ARMC6: variants seen among roughly 807,000 people sequenced by gnomAD.
ARMC6 encodes the protein armadillo repeat-containing protein 6.
Under a neutral mutation model 49.2 loss-of-function variants are expected in ARMC6, and 43 were observed. The ratio of observed to expected loss-of-function variants is 0.87; its 90% CI spans 0.69 to 1.13. The LOEUF (loss-of-function observed/expected upper bound fraction) is 1.13. Ranked by LOEUF, ARMC6 falls within the 50% of genes most tolerant of loss-of-function variation. ARMC6 has a pLI of 0.00. For missense variants in ARMC6, 627 were observed against 682.0 expected (o/e 0.92, Z 0.90); for synonymous variants, 262 against 289.6 (o/e 0.90, Z 0.97).
intron 3 of ARMC6, 80 bp from the exon 4 acceptor site, chr19:19,043,912 T>G: frequency 7.4e-7 from 1 of 1,342,766 alleles, no homozygotes; most frequent in Non-Finnish European, 1.1e-6. Context: ...TCCTGAGGTG[T>G]GATTCCAGCA....
chr19:19,056,618 G>A (rs1284247903), intron 8 of ARMC6, among the ~76,000 whole-genome samples: 5 of 152,290 alleles, frequency 3.3e-5, no homozygotes, highest in South Asian at 4.1e-4. Flanking sequence ...TTGGGGAAGC[G>A]TGGATGGGGA....
At chr19:19,048,859 ATTAG>A (rs1329301013) in intron 4 of ARMC6, among the ~76,000 whole-genome samples, 2 of 152,122 alleles carry the variant, frequency 1.3e-5, no homozygotes, top group Non-Finnish European at 2.9e-5. Context: ...TCCATACTGT[ATTAG>A]TTAGGCTGGA....
intron 2 of ARMC6, chr19:19,040,565 C>T (rs2059404191): frequency 4.2e-6 from 1 of 236,018 alleles, no homozygotes; most frequent in Admixed American, 5.6e-5. Flanking sequence ...AAGAGCATGC[C>T]ACCACTCCCT....
chr19:19,055,698 CGCAGGGT>C lies in ARMC6; in HGVS notation c.1156-91_1156-85del. 1 of 1,483,912 alleles carries C rather than the reference CGCAGGGT, an allele frequency of 6.7e-7. No homozygotes were observed. The highest frequency in any genetic ancestry group is 2.3e-5 in the East Asian group (1 of 43,176). 91.9% of individuals were successfully genotyped at this position (1,483,912 alleles called of 1,614,324 possible). ...TGCCAGAGACCCACGGAGGGGAGGCCGCAGGGTGTTCACCAGGGGTTGGTGGCCATGG... is the reference window on the plus strand; with the variant it reads ...TGCCAGAGACCCACGGAGGGGAGGCCGTTCACCAGGGGTTGGTGGCCATGG... On this transcript the variant is annotated intron_variant, in intron 7 of 8. Coordinates refer to ENST00000535612, the MANE Select transcript of ARMC6 (RefSeq NM_001199196.2). This position sits in a 1 kb window ranked among gnomAD's most constrained non-coding sequence, Gnocchi z 5.7.
intron 2 of ARMC6, 119 bp from the exon 3 acceptor site, chr19:19,042,592 G>A (rs781398490): frequency 1.2e-5 from 11 of 955,132 alleles, no homozygotes; most frequent in Non-Finnish European, 1.8e-5. Context: ...ATTTCTCCAG[G>A]GTGGTTGTAG....
Position 19,033,881 on chromosome 19 carries a change from T to TG in ARMC6, c.-126dup. The TG allele has an allele frequency of 2.7e-6, 1 of 374,014 alleles. No homozygotes were observed. The highest frequency in any genetic ancestry group is 4.9e-6 in the Non-Finnish European group (1 of 204,866). 23.2% of individuals were successfully genotyped at this position (374,014 alleles called of 1,614,324 possible). On this transcript the variant is annotated 5_prime_UTR_variant, in exon 1 of 9. Transcript: ENST00000535612. ...CCGGAAGGGGCTAGAGGCGGCTCCC[T>TG]GGGTGACAACCGCGCGCCCCACCTT...
intron 5 of ARMC6, among the ~76,000 whole-genome samples, chr19:19,053,452 A>C (rs1289146646): frequency 2.6e-5 from 4 of 152,118 alleles, no homozygotes; most frequent in Non-Finnish European, 5.9e-5. Flanking sequence ...ACGCCACTGC[A>C]CTCCAGCCTT....
rs779897308 is a variant in ARMC6, at chr19:19,051,687, C to G, written c.345C>G (p.Thr115=). The change falls in exon 5 of 9, where the codon ACC becomes ACG. Residue 115 remains threonine, a synonymous_variant. Coordinates refer to ENST00000535612, the MANE Select transcript of ARMC6 (RefSeq NM_001199196.2). The part of the protein sequence containing the change: ...SRPQEVSAYL[T]RFCDQCKQDK... ...CCCAGGAGGTGTCAGCATACCTCAC[C>G]CGCTTCTGCGACCAGTGCAAACAGG... The G allele has an allele frequency of 6.2e-7, 1 of 1,613,798 alleles. No individual in the cohort carries two copies. Among genetic ancestry groups the G allele is most frequent in the Admixed American group, 1.7e-5 (1 of 59,996 alleles).
chr19:19,049,590 C>T (rs1260772027), intron 4 of ARMC6, among the ~76,000 whole-genome samples: 2 of 152,200 alleles, frequency 1.3e-5, no homozygotes, highest in Non-Finnish European at 2.9e-5. Flanking sequence ...TAAGTACATT[C>T]ATAATGTTGT....
chr19:19,037,859 C>T (rs888383321), intron 2 of ARMC6, among the ~76,000 whole-genome samples: 3 of 152,224 alleles, frequency 2.0e-5, no homozygotes, highest in Non-Finnish European at 4.4e-5. Context: ...AGATCATCTA[C>T]AGCAGGGGTC....
In ARMC6 at chr19:19,040,804, C is replaced by G. The variant is rs933521064; in HGVS notation, c.30-1907C>G. 13 of 429,186 alleles carry G rather than the reference C, an allele frequency of 3.0e-5. No individual in the cohort carries two copies. In the Admixed American group the frequency reaches 3.3e-4, roughly 11 times the overall value. The allele number at this position is 429,186 out of a possible 1,614,324, so 26.6% of individuals were successfully genotyped here. ...CTGGGATTACAGACGTGAGCCACCA[C>G]ACCTGGCCCAGATTTTGATTTTGAT... On this transcript the variant is annotated intron_variant, in intron 2 of 8. Coordinates refer to ENST00000535612, the MANE Select transcript of ARMC6 (RefSeq NM_001199196.2).
intron 5 of ARMC6, among the ~76,000 whole-genome samples, chr19:19,052,827 G>C (rs1280729364): frequency 6.6e-6 from 1 of 152,218 alleles, no homozygotes; most frequent in Non-Finnish European, 1.5e-5. Flanking sequence ...CTGTGTGGGG[G>C]TTCTGGCTCT....
chr19:19,045,637 A>C (rs1599639933), intron 4 of ARMC6, among the ~76,000 whole-genome samples: 1 of 145,412 alleles, frequency 6.9e-6, no homozygotes, highest in East Asian at 2.0e-4. Context: ...ACAGGTGCAC[A>C]CCACCATGCC....
chr19:19,050,369 C>A (rs568004005), intron 4 of ARMC6, among the ~76,000 whole-genome samples: 2 of 152,272 alleles, frequency 1.3e-5, no homozygotes, highest in East Asian at 3.9e-4. Context: ...ACTGATGGGT[C>A]ACACAGTAAT....
chr19:19,034,270 G>A, intron 2 of ARMC6, 32 bp downstream of exon 2: 1 of 1,589,250 alleles, frequency 6.3e-7, no homozygotes, highest in Non-Finnish European at 8.5e-7. Flanking sequence ...CAGAGTGATG[G>A]GACGGGAAAG....
At chr19:19,047,151 T>C (rs575568601) in intron 4 of ARMC6, among the ~76,000 whole-genome samples, 26 of 151,542 alleles carry the variant, frequency 1.7e-4, no homozygotes, top group Admixed American at 6.6e-4. Context: ...TAAGGAAGAG[T>C]GGAAATACAT....
At chr19:19,052,976 C>T (rs2059511641) in intron 5 of ARMC6, among the ~76,000 whole-genome samples, 1 of 152,136 alleles carries the variant, frequency 6.6e-6, no homozygotes, top group African/African-American at 2.4e-5. Flanking sequence ...TATAGGAGCT[C>T]CAATCAGTTA....
chr19:19,049,349 C>T (rs73008945), intron 4 of ARMC6, among the ~76,000 whole-genome samples: 9,371 of 152,072 alleles, frequency 0.062, 373 homozygotes, highest in Middle Eastern at 0.15. Flanking sequence ...CCACCATGCC[C>T]GGCCAAGAAT....
In ARMC6 at chr19:19,055,525, C is replaced by A; in HGVS notation, c.1155+129C>A. The A allele has an allele frequency of 7.5e-7, 1 of 1,338,926 alleles. No homozygotes were observed. Among genetic ancestry groups the A allele is most frequent in the Non-Finnish European group, 1.0e-6 (1 of 999,548 alleles). The allele number at this position is 1,338,926 out of a possible 1,614,324, so 82.9% of individuals were successfully genotyped here. A position where few individuals can be genotyped will look rare whatever the true frequency, so the allele number is the denominator to read the frequency against. On this transcript the variant is annotated intron_variant, in intron 7 of 8. Transcript: ENST00000535612. This position sits in a 1 kb window ranked among gnomAD's most constrained non-coding sequence, Gnocchi z 5.7. Reference sequence around the variant, plus strand: ...GGCTGGTGAGGGTCGTGGGCATTGGCTCTCAAATGCTGACCTGCGTATGCA... The same window carrying A: ...GGCTGGTGAGGGTCGTGGGCATTGGATCTCAAATGCTGACCTGCGTATGCA...
Sources: gnomAD v4.1 joint callset for allele counts (sites outside exome capture counted in the v4.1 genomes callset) on GRCh38, gnomAD v4.1.1 for gene constraint, Gnocchi (gnomAD v3.1) non-coding constraint, MANE v1.5 for transcripts, NCBI Gene and HGNC (gene_info 2026-07-23, HGNC 2026-07-21) for gene names.